Variants in METTL15 observed in about 807,000 individuals in gnomAD.
METTL15 encodes the protein methyltransferase 15, mitochondrial 12S rRNA N4-cytidine.
A neutral mutation model predicts 38.3 loss-of-function variants in METTL15; 34 were observed. That is an observed-to-expected ratio of 0.89 (90% CI 0.68 to 1.18). The LOEUF is 1.18. Ranked by LOEUF, METTL15 falls within the 50% of genes most tolerant of loss-of-function variation. The pLI, the probability that METTL15 is intolerant of heterozygous loss-of-function variation, is 0.00. For synonymous variants in METTL15, 162 were observed against 170.9 expected (o/e 0.95, Z 0.41); for missense variants, 438 against 498.4 (o/e 0.88, Z 1.15).
At chr11:28,450,736 C>A (rs748883664) in intron 6 of METTL15, among the ~76,000 whole-genome samples, 6 of 152,142 alleles carry the variant, frequency 3.9e-5, no homozygotes, top group Non-Finnish European at 8.8e-5. Flanking sequence ...TATGTATATG[C>A]ACAATATTTT....
chr11:28,450,158 A>G (rs144258335), intron 6 of METTL15, among the ~76,000 whole-genome samples: 2 of 152,228 alleles, frequency 1.3e-5, no homozygotes, highest in Non-Finnish European at 2.9e-5. Context: ...CAACTTACCA[A>G]GAGTTCATTA....
chr11:28,247,929 T>C (rs930626770), intron 4 of METTL15, among the ~76,000 whole-genome samples: 1 of 152,092 alleles, frequency 6.6e-6, no homozygotes, highest in African/African-American at 2.4e-5. Context: ...ATAATCAAAA[T>C]AGGGCAGCTA....
At chr11:28,337,869 C>G (rs1275024520), downstream of METTL15, among the ~76,000 whole-genome samples, 1 of 152,060 alleles carries the variant, frequency 6.6e-6, no homozygotes, top group Non-Finnish European at 1.5e-5. Flanking sequence ...ACTGCTGACA[C>G]AAGGATATTG....
intron 3 of METTL15, among the ~76,000 whole-genome samples, chr11:28,161,122 T>TTC (rs1280887937): frequency 6.9e-6 from 1 of 145,882 alleles, no homozygotes; most frequent in Non-Finnish European, 1.5e-5. Context: ...TTTTTTTTTT[T>TTC]TTTTGTTTTT....
At chr11:28,334,748 G>A (rs981554837), downstream of METTL15, among the ~76,000 whole-genome samples, 2 of 152,112 alleles carry the variant, frequency 1.3e-5, no homozygotes, top group Admixed American at 1.3e-4. Flanking sequence ...GGAATGCTAA[G>A]AGAAAGTTTA....
intron 3 of METTL15, among the ~76,000 whole-genome samples, chr11:28,152,723 C>T (rs148555541): frequency 4.0e-5 from 6 of 151,762 alleles, no homozygotes; most frequent in East Asian, 1.9e-4. Context: ...GAAAGGGGTC[C>T]GTATCCAGAA....
intron 5 of METTL15, among the ~76,000 whole-genome samples, chr11:28,411,280 A>G (rs1043256424): frequency 1.1e-4 from 16 of 152,058 alleles, no homozygotes; most frequent in Admixed American, 1.0e-3. Flanking sequence ...AAAATCGCCA[A>G]TAGCCAAATA....
rs11373492 is a variant in METTL15 at position 28,432,929 on chromosome 11, A to ATT, written c.*424+8576_*424+8577dup. 3.7e-3 allele frequency among the ~76,000 whole-genome samples: 543 copies of ATT among 146,902 alleles called. 3 individuals are homozygous for ATT. Among genetic ancestry groups the ATT allele is most frequent in the African/African-American group, 7.3e-3 (293 of 40,296 alleles). ...TTTTGGTAACCTCCTTTTTTTCCAC[A>ATT]TTTTTTTTTTTTGCCTTTTGCCTCT... On this transcript the variant is annotated intron_variant and NMD_transcript_variant, in intron 6 of 7. Transcript: ENST00000532947.
chr11:28,420,932 A>T (rs1026938271), intron 5 of METTL15, among the ~76,000 whole-genome samples: 16 of 151,766 alleles, frequency 1.1e-4, no homozygotes, highest in African/African-American at 1.7e-4. Context: ...TGTTTTTTTT[A>T]AAAAGATAAA....
chr11:28,203,294 C>G (rs1269861383), intron 3 of METTL15, among the ~76,000 whole-genome samples: 1 of 151,988 alleles, frequency 6.6e-6, no homozygotes, highest in Non-Finnish European at 1.5e-5. Context: ...GTAACTGGTA[C>G]AGATAATAGG....
chr11:28,220,000 A>C (rs1314785410), intron 4 of METTL15, among the ~76,000 whole-genome samples: 1 of 152,170 alleles, frequency 6.6e-6, no homozygotes, highest in African/African-American at 2.4e-5. Context: ...CAATTTTGGA[A>C]TAAGTGCGAT....
At chr11:28,501,871 A>G (rs1010412831) in intron 6 of METTL15, among the ~76,000 whole-genome samples, 6 of 152,266 alleles carry the variant, frequency 3.9e-5, no homozygotes, top group Middle Eastern at 3.4e-3. Context: ...AGACCGAGGC[A>G]GGCGGATCAC....
chr11:28,386,400 G>A lies in METTL15; in HGVS notation c.*358+24364G>A, dbSNP rs1464331935. Among the ~76,000 whole-genome samples the A allele has an allele frequency of 3.3e-5, 5 of 151,668 alleles. 1 individual carries two copies. In the South Asian group the frequency reaches 8.3e-4, roughly 25 times the overall value. On this transcript the variant is annotated intron_variant and NMD_transcript_variant, in intron 5 of 7. Transcript: ENST00000532947. ...TGAAAAATGATATTCCATGACAATG[G>A]TAATTAAAAGAGAACAGGGTTGATC...
chr11:28,355,824 G>T (rs556992560), intron 4 of METTL15, among the ~76,000 whole-genome samples: 23 of 152,288 alleles, frequency 1.5e-4, no homozygotes, highest in Admixed American at 1.0e-3. Flanking sequence ...TAGCAAGTTT[G>T]TGGAAGGATT....
intron 6 of METTL15, among the ~76,000 whole-genome samples, chr11:28,491,108 A>G (rs972837673): frequency 6.6e-6 from 1 of 152,148 alleles, no homozygotes; most frequent in Non-Finnish European, 1.5e-5. Context: ...GGCCCTGGAT[A>G]TACCCATAGG....
intron 6 of METTL15, among the ~76,000 whole-genome samples, chr11:28,525,307 G>T (rs889339033): frequency 7.2e-5 from 11 of 152,182 alleles, no homozygotes; most frequent in Admixed American, 2.6e-4. Context: ...GAGAGCGGGA[G>T]TGGTCTGTTT....
chr11:28,501,248 ATGTT>A (rs1851580672), intron 6 of METTL15, among the ~76,000 whole-genome samples: 1 of 152,174 alleles, frequency 6.6e-6, no homozygotes, highest in African/African-American at 2.4e-5. Context: ...GAGAGGAAGA[ATGTT>A]TGGTGATTTA....
chr11:28,119,858 CT>C (rs1388495701), intron 3 of METTL15, among the ~76,000 whole-genome samples: 1 of 152,298 alleles, frequency 6.6e-6, no homozygotes, highest in African/African-American at 2.4e-5. Flanking sequence ...ATATTGGAGG[CT>C]GATGACGGGA....
chr11:28,152,416 A>T (rs371230604), intron 3 of METTL15, among the ~76,000 whole-genome samples: 6 of 152,086 alleles, frequency 3.9e-5, no homozygotes, highest in African/African-American at 1.4e-4. Flanking sequence ...AATTTTGTTG[A>T]AAGGAATTTG....
Sources: gnomAD v4.1 joint callset for allele counts (sites outside exome capture counted in the v4.1 genomes callset) on GRCh38, gnomAD v4.1.1 for gene constraint, MANE v1.5 for transcripts, NCBI Gene and HGNC (gene_info 2026-07-23, HGNC 2026-07-21) for gene names.